STK3: variants seen among roughly 807,000 people sequenced by gnomAD.
STK3 encodes the protein serine/threonine-protein kinase 3.
STK3 carries 41 observed loss-of-function variants against 58.0 expected under a neutral mutation model. That is an observed-to-expected ratio of 0.71 (90% CI 0.55 to 0.92). The LOEUF is 0.92. Ranked by LOEUF, STK3 falls within the 40% of genes least tolerant of loss-of-function variation. The probability of loss-of-function intolerance (pLI) is 0.00; values close to 1 mark genes in which losing one functional copy is unlikely to be tolerated. For synonymous variants in STK3, 170 were observed against 191.0 expected (o/e 0.89, Z 0.91); for missense variants, 479 against 602.7 (o/e 0.79, Z 2.15).
chr8:98,475,926 G>A (rs147859382), intron 10 of STK3, among the ~76,000 whole-genome samples: 25 of 152,312 alleles, frequency 1.6e-4, no homozygotes, highest in Admixed American at 5.2e-4. Context: ...TTATTTGACA[G>A]TTTGTCATAA....
chr8:98,596,997 T>C (rs1206738610), intron 6 of STK3, among the ~76,000 whole-genome samples: 2 of 152,070 alleles, frequency 1.3e-5, no homozygotes, highest in Admixed American at 1.3e-4. Context: ...TAGAATAGTA[T>C]CTACAGGAAT....
chr8:98,734,410 T>C (rs1056861265), intron 4 of STK3, among the ~76,000 whole-genome samples: 3 of 152,184 alleles, frequency 2.0e-5, no homozygotes, highest in Admixed American at 6.5e-5. Flanking sequence ...CCTGGGTTCA[T>C]GCCGTTTCTC....
chr8:98,501,122 T>C (rs1823559861), intron 10 of STK3, among the ~76,000 whole-genome samples: 1 of 152,216 alleles, frequency 6.6e-6, no homozygotes, highest in African/African-American at 2.4e-5. Flanking sequence ...TGAGATGGTA[T>C]CTCATTGTGG....
At chr8:98,934,196 C>T (rs964349123) in intron 1 of STK3, among the ~76,000 whole-genome samples, 1 of 152,208 alleles carries the variant, frequency 6.6e-6, no homozygotes, top group Non-Finnish European at 1.5e-5. Flanking sequence ...AGTACAGGGA[C>T]TTTTCCACTA....
intron 6 of STK3, among the ~76,000 whole-genome samples, chr8:98,697,949 T>G (rs1435785281): frequency 1.3e-5 from 2 of 152,202 alleles, no homozygotes; most frequent in East Asian, 3.8e-4. Context: ...ATCTGTCTAA[T>G]GTTGACAGTG....
intron 3 of STK3, among the ~76,000 whole-genome samples, chr8:98,403,735 A>G (rs966803418): frequency 6.6e-6 from 1 of 152,156 alleles, no homozygotes; most frequent in Non-Finnish European, 1.5e-5. Flanking sequence ...ACTCTTGCAC[A>G]CTACCCTTGT....
intron 7 of STK3, among the ~76,000 whole-genome samples, chr8:98,591,700 T>C (rs1002630774): frequency 6.6e-6 from 1 of 152,210 alleles, no homozygotes; most frequent in Non-Finnish European, 1.5e-5. Flanking sequence ...TTAAGCTCTA[T>C]AGACTAACTG....
At chr8:98,712,352 A>G (rs1256942509) in intron 4 of STK3, among the ~76,000 whole-genome samples, 1 of 152,256 alleles carries the variant, frequency 6.6e-6, no homozygotes, top group Non-Finnish European at 1.5e-5. Context: ...TTGGATACAG[A>G]GTCAAGACCC....
At chr8:98,639,388 T>C (rs1177962126) in intron 6 of STK3, among the ~76,000 whole-genome samples, 1 of 152,116 alleles carries the variant, frequency 6.6e-6, no homozygotes, top group South Asian at 2.1e-4. Flanking sequence ...GCTGGGATTA[T>C]AGGCATGAGG....
At chr8:98,542,818 C>A (rs929268316) in intron 9 of STK3, among the ~76,000 whole-genome samples, 2 of 152,196 alleles carry the variant, frequency 1.3e-5, no homozygotes, top group African/African-American at 4.8e-5. Flanking sequence ...ATACACACAA[C>A]AGAGAGACAA....
chr8:98,881,749 C>G (rs796498336), downstream of STK3: 5 of 152,148 alleles, frequency 3.3e-5, 1 homozygote, highest in African/African-American at 1.2e-4. Context: ...AATATATGAT[C>G]AAAATTTCCC....
At chr8:98,592,685 C>T (rs1258400630) in intron 7 of STK3, among the ~76,000 whole-genome samples, 1 of 151,820 alleles carries the variant, frequency 6.6e-6, no homozygotes, top group Non-Finnish European at 1.5e-5. Flanking sequence ...CTCTGTTTTC[C>T]AACTTGATAA....
intron 6 of STK3, among the ~76,000 whole-genome samples, chr8:98,650,885 C>T (rs1168646495): frequency 6.6e-6 from 1 of 152,246 alleles, no homozygotes; most frequent in Non-Finnish European, 1.5e-5. Flanking sequence ...GCCTGCCTGC[C>T]TCTGTAGGCT....
intron 3 of STK3, among the ~76,000 whole-genome samples, chr8:98,839,370 T>C (rs1835876300): frequency 6.6e-6 from 1 of 152,098 alleles, no homozygotes; most frequent in South Asian, 2.1e-4. Context: ...TAACTCAACA[T>C]AGATGGAGAG....
At chr8:98,728,248 C>A (rs1278525752) in intron 4 of STK3, among the ~76,000 whole-genome samples, 1 of 151,934 alleles carries the variant, frequency 6.6e-6, no homozygotes, top group Non-Finnish European at 1.5e-5. Flanking sequence ...ATAAAATATC[C>A]AAGGTTATAA....
intron 10 of STK3, among the ~76,000 whole-genome samples, chr8:98,483,169 A>G (rs1563650031): frequency 6.6e-6 from 1 of 152,194 alleles, no homozygotes; most frequent in African/African-American, 2.4e-5. Context: ...AGTCAAGGCT[A>G]GGATGCTGCC....
intron 1 of STK3, among the ~76,000 whole-genome samples, chr8:98,380,954 C>T (rs1186587080): frequency 1.7e-5 from 2 of 117,424 alleles, no homozygotes; most frequent in African/African-American, 6.3e-5. Context: ...TAATTAATTT[C>T]TCTCTCTCCT....
At chr8:98,407,095 A>G (rs1041874429) in intron 3 of STK3, among the ~76,000 whole-genome samples, 1 of 152,218 alleles carries the variant, frequency 6.6e-6, no homozygotes, top group African/African-American at 2.4e-5. Context: ...GAGCCTGAGG[A>G]GGGATAAATA....
intron 6 of STK3, among the ~76,000 whole-genome samples, chr8:98,689,122 T>C (rs1037790656): frequency 6.6e-6 from 1 of 152,162 alleles, no homozygotes; most frequent in Non-Finnish European, 1.5e-5. Flanking sequence ...GAGGCTACTA[T>C]GAACATTTCA....
Sources: gnomAD v4.1 joint callset for allele counts (sites outside exome capture counted in the v4.1 genomes callset) on GRCh38, gnomAD v4.1.1 for gene constraint, MANE v1.5 for transcripts, NCBI Gene and HGNC (gene_info 2026-07-23, HGNC 2026-07-21) for gene names.